Variants in EGFL6 observed in about 807,000 individuals in gnomAD.
EGFL6 encodes the protein epidermal growth factor-like protein 6.
In EGFL6, 42 loss-of-function variants were observed where a neutral mutation model predicts 43.1. That is an observed-to-expected ratio of 0.98 (90% CI 0.76 to 1.26). The LOEUF (loss-of-function observed/expected upper bound fraction) is 1.26. Ranked by LOEUF, EGFL6 falls within the 50% of genes most tolerant of loss-of-function variation. The pLI is 0.00. For synonymous variants in EGFL6, 164 were observed against 163.2 expected (o/e 1.01, Z -0.04); for missense variants, 429 against 427.8 (o/e 1.00, Z -0.02).
chrX:13,630,352 C>T (rs184130483), intron 11 of EGFL6, among the ~76,000 whole-genome samples: 17 of 111,310 alleles, frequency 1.5e-4, no homozygotes, highest in South Asian at 1.5e-3. Context: ...ATTAATTATC[C>T]GGACATTTAT....
Position 13,589,678 on chromosome X carries a change from T to C in EGFL6, c.187+10T>C. Reference sequence around the variant, plus strand: ...AAGGGAGTCTGTGAAGGTAATTTTGTAAAAACTCAGACCCTGCACTTGGAT... The same window carrying C: ...AAGGGAGTCTGTGAAGGTAATTTTGCAAAAACTCAGACCCTGCACTTGGAT... On this transcript the variant is annotated intron_variant, in intron 2 of 11. Transcript: ENST00000361306. 8.4e-7 allele frequency: 1 copy of C among 1,194,269 alleles called. No homozygotes were observed. Among genetic ancestry groups the C allele is most frequent in the South Asian group, 1.8e-5 (1 of 55,949 alleles).
At chrX:13,619,077 C>A in intron 8 of EGFL6, 86 bp from the exon 9 acceptor site, 1 of 716,751 alleles carries the variant, frequency 1.4e-6, no homozygotes, top group East Asian at 3.2e-5. Flanking sequence ...ATGATCTAAC[C>A]TTCTTTGTTT....
intron 1 of EGFL6, among the ~76,000 whole-genome samples, chrX:13,583,440 A>T (rs2045518582): frequency 9.0e-6 from 1 of 111,520 alleles, no homozygotes; most frequent in Non-Finnish European, 1.9e-5. Flanking sequence ...ATATGTTGGA[A>T]TATAATGGGG....
chrX:13,589,655 G>A lies in EGFL6; in HGVS notation c.174G>A (p.Lys58=). 8.3e-7 allele frequency: 1 copy of A among 1,209,253 alleles called. No individual in the cohort carries two copies. Among genetic ancestry groups the A allele is most frequent in the African/African-American group, 1.7e-5 (1 of 57,709 alleles). ...GCTACGGCTGGAGAAGAAACAGCAA[G>A]GGAGTCTGTGAAGGTAATTTTGTAA... ...ACCYGWRRNS[K]GVCEATCEPG... is the part of the protein sequence containing the mutation. Residue 58 remains lysine, a synonymous_variant, in exon 2 of 12, where the codon AAG becomes AAA. Coordinates refer to ENST00000361306, the MANE Select transcript of EGFL6 (RefSeq NM_015507.4).
intron 11 of EGFL6, among the ~76,000 whole-genome samples, chrX:13,630,724 C>G (rs1310519049): frequency 1.8e-5 from 2 of 111,858 alleles, no homozygotes; most frequent in South Asian, 3.7e-4. Flanking sequence ...CCATTTGTTC[C>G]CTGAGGTTTC....
rs755779945 is a variant in EGFL6 at position 13,594,685 on chromosome X, G to T, written c.188-151G>T. On this transcript the variant is annotated intron_variant, in intron 2 of 11. Coordinates refer to ENST00000361306, the MANE Select transcript of EGFL6 (RefSeq NM_015507.4). ...TATATTTCATTGAATACCACTGGAA[G>T]TGTGGTATTGCCTCCCTTCAAAGGG... The T allele has an allele frequency of 2.4e-5, 9 of 382,434 alleles. No individual in the cohort carries two copies. The South Asian group carries it at 6.4e-4, about 27-fold the overall frequency. 31.5% of individuals were successfully genotyped at this position (382,434 alleles called of 1,213,427 possible).
At chrX:13,603,557 A>G (rs1253120705) in intron 5 of EGFL6, 121 bp downstream of exon 5, 1 of 865,991 alleles carries the variant, frequency 1.2e-6, no homozygotes, top group African/African-American at 2.0e-5. Context: ...CTAAAAGTAC[A>G]GATTTATATC....
chrX:13,596,609 A>G (rs1374469414), intron 3 of EGFL6: 1 of 111,833 alleles, frequency 8.9e-6, no homozygotes, highest in Non-Finnish European at 1.9e-5. Flanking sequence ...CAGTGACTAT[A>G]CTGCATCCAT....
At chrX:13,628,024 C>G (rs2045791011) in intron 11 of EGFL6, among the ~76,000 whole-genome samples, 1 of 111,690 alleles carries the variant, frequency 9.0e-6, no homozygotes, top group African/African-American at 3.3e-5. Context: ...CTTTAGTTAT[C>G]TAGTCTCCAG....
chrX:13,578,566 T>A lies in EGFL6; in HGVS notation c.74+8631T>A, dbSNP rs1201912715. Among the ~76,000 whole-genome samples, 8 of 109,827 alleles carry A rather than the reference T, an allele frequency of 7.3e-5. No individual in the cohort carries two copies. The Admixed American group carries it at 7.8e-4, about 11-fold the overall frequency. On this transcript the variant is annotated intron_variant, in intron 1 of 11. Coordinates refer to ENST00000361306, the MANE Select transcript of EGFL6 (RefSeq NM_015507.4). ...AATGATAGACTGGATTAAGAAAATG[T>A]GGCACATATACACCATGGAATACTA...
intron 9 of EGFL6, 145 bp from the exon 10 acceptor site, chrX:13,623,679 C>A: frequency 2.3e-6 from 1 of 437,374 alleles, no homozygotes; most frequent in Non-Finnish European, 3.9e-6. Flanking sequence ...TTCAGAATGG[C>A]TTCACAGACA....
At chrX:13,592,366 T>C (rs2045569328) in intron 2 of EGFL6, among the ~76,000 whole-genome samples, 1 of 112,326 alleles carries the variant, frequency 8.9e-6, no homozygotes, top group Admixed American at 9.5e-5. Flanking sequence ...CATTTTTCCC[T>C]TATGATTTGT....
At chrX:13,613,181 T>G (rs893361989) in intron 7 of EGFL6, among the ~76,000 whole-genome samples, 4 of 103,120 alleles carry the variant, frequency 3.9e-5, no homozygotes, top group African/African-American at 1.5e-4. Flanking sequence ...TATATATATG[T>G]CATATATATG....
Position 13,617,719 on chromosome X carries a change from AT to A in EGFL6, c.779-8del, listed in dbSNP as rs781051269. 3.3e-4 allele frequency: 392 copies of A among 1,172,695 alleles called. 1 individual carries two copies. Among genetic ancestry groups the A allele is most frequent in the Non-Finnish European group, 4.1e-4 (354 of 873,321 alleles). On this transcript the variant is annotated splice_polypyrimidine_tract_variant and intron_variant, in intron 7 of 11. Coordinates refer to ENST00000361306, the MANE Select transcript of EGFL6 (RefSeq NM_015507.4). Reference sequence around the variant, plus strand: ...TCCAATTTGGAACATATTGCCTCTTATTTGTTTTAGCTATCCCTGAAAATTC... The same window carrying A: ...TCCAATTTGGAACATATTGCCTCTTATTGTTTTAGCTATCCCTGAAAATTC...
intron 10 of EGFL6, chrX:13,625,313 T>A (rs1373174935): frequency 9.0e-6 from 1 of 111,068 alleles, no homozygotes; most frequent in Non-Finnish European, 1.9e-5. Flanking sequence ...GGCGGGAGGA[T>A]TACTTGAGCC....
At chrX:13,597,168 G>C (rs1025217486) in intron 3 of EGFL6, among the ~76,000 whole-genome samples, 1 of 112,133 alleles carries the variant, frequency 8.9e-6, no homozygotes, top group Non-Finnish European at 1.9e-5. Flanking sequence ...AGAAACCCTG[G>C]CATGAAGAAA....
At chrX:13,632,016 AAAG>A (rs1238999234) in intron 11 of EGFL6, among the ~76,000 whole-genome samples, 2 of 111,096 alleles carry the variant, frequency 1.8e-5, no homozygotes, top group Non-Finnish European at 3.8e-5. Flanking sequence ...TCTAAACTAT[AAAG>A]AAGTTTGTTT....
intron 1 of EGFL6, among the ~76,000 whole-genome samples, chrX:13,577,298 T>TTATATATATATATATA (rs1199851773): frequency 4.1e-5 from 1 of 24,473 alleles, no homozygotes; most frequent in Non-Finnish European, 7.3e-5. Context: ...TATATGAATT[T>TTATATATATATATATA]TATATATATA....
chrX:13,633,358 A>T lies in EGFL6; in HGVS notation c.*263A>T. On this transcript the variant is annotated 3_prime_UTR_variant, in exon 12 of 12. Transcript: ENST00000361306. ...TGTCAGTTTATCTCCCCTCCTCAGT[A>T]TATCTGATTTGTATAAGTAAGTTGA... 4.1e-6 allele frequency: 1 copy of T among 242,615 alleles called. No individual in the cohort carries two copies. The highest frequency in any genetic ancestry group is 1.0e-4 in the South Asian group (1 of 9,629). The allele number at this position is 242,615 out of a possible 1,213,427, so 20.0% of individuals were successfully genotyped here. A position where few individuals can be genotyped will look rare whatever the true frequency, so the allele number is the denominator to read the frequency against.
Sources: allele counts gnomAD v4.1 joint callset (sites outside exome capture counted in the v4.1 genomes callset), GRCh38; gene constraint gnomAD v4.1.1; transcripts MANE v1.5; gene names NCBI Gene and HGNC (gene_info 2026-07-23, HGNC 2026-07-21).